Variants in DIAPH3 observed in about 807,000 individuals in gnomAD.
The protein encoded by DIAPH3 is diaphanous related formin 3.
DIAPH3 carries 117 observed loss-of-function variants against 144.3 expected under a neutral mutation model. That is an observed-to-expected ratio of 0.81 (90% confidence interval 0.70 to 0.95). DIAPH3 has a LOEUF of 0.95. Among genes scored for constraint, DIAPH3 ranks in the 40% least tolerant of loss-of-function variants. DIAPH3 has a pLI of 0.00. For missense variants in DIAPH3, 1,421 were observed against 1,412.7 expected (o/e 1.01, Z -0.09); for synonymous variants, 519 against 488.9 (o/e 1.06, Z -0.81).
chr13:60,042,965 C>A, intron 4 of DIAPH3, 145 bp from the exon 5 acceptor site: 1 of 878,134 alleles, frequency 1.1e-6, no homozygotes, highest in Non-Finnish European at 1.8e-6. Context: ...TTCCTTACTT[C>A]TGCCCAAAAA....
chr13:59,899,072 G>A (rs993098701), intron 20 of DIAPH3, among the ~76,000 whole-genome samples: 2 of 152,156 alleles, frequency 1.3e-5, no homozygotes, highest in Admixed American at 6.5e-5. Context: ...AAGTTCTTCA[G>A]CTTTTGGACT....
At chr13:59,959,580 C>A (rs1026973711) in intron 17 of DIAPH3, among the ~76,000 whole-genome samples, 1 of 152,066 alleles carries the variant, frequency 6.6e-6, no homozygotes, top group Non-Finnish European at 1.5e-5. Flanking sequence ...GGAAGCCAGG[C>A]GAGAGAGATC....
chr13:59,818,787 C>T (rs1208718908), intron 24 of DIAPH3, among the ~76,000 whole-genome samples: 1 of 151,876 alleles, frequency 6.6e-6, no homozygotes, highest in Non-Finnish European at 1.5e-5. Flanking sequence ...TGTGCAAATT[C>T]ACCATTTCTT....
chr13:60,109,665 T>G (rs1371055007), intron 3 of DIAPH3, among the ~76,000 whole-genome samples: 1 of 152,202 alleles, frequency 6.6e-6, no homozygotes, highest in Non-Finnish European at 1.5e-5. Flanking sequence ...TACCTGGGAC[T>G]TTTAACCAGG....
intron 4 of DIAPH3, among the ~76,000 whole-genome samples, chr13:60,056,480 T>C (rs2056563901): frequency 6.6e-6 from 1 of 151,836 alleles, no homozygotes; most frequent in African/African-American, 2.4e-5. Flanking sequence ...TATACACCCA[T>C]ATGTACTTGT....
In DIAPH3 at chr13:60,061,374, T is replaced by C. The variant is rs534135302; in HGVS notation, c.496-18554A>G. Reference sequence around the variant, plus strand: ...CAATAGGATGGAACTGCAAAACTGATTGGAAATGAAGTTACAAAAAGCTGT... The same window carrying C: ...CAATAGGATGGAACTGCAAAACTGACTGGAAATGAAGTTACAAAAAGCTGT... On this transcript the variant is annotated intron_variant, in intron 4 of 27. Transcript: ENST00000400324. Among the ~76,000 whole-genome samples, 11 of 151,982 alleles carry C rather than the reference T, an allele frequency of 7.2e-5. No individual in the cohort carries two copies. In the East Asian group the frequency reaches 2.1e-3, roughly 29 times the overall value.
chr13:60,109,033 C>T (rs1478518666), intron 3 of DIAPH3, among the ~76,000 whole-genome samples: 1 of 152,090 alleles, frequency 6.6e-6, no homozygotes, highest in Non-Finnish European at 1.5e-5. Context: ...AGATATTCTC[C>T]ATGAAAGGGC....
chr13:59,794,020 C>A (rs907350183), intron 25 of DIAPH3, among the ~76,000 whole-genome samples: 29 of 152,244 alleles, frequency 1.9e-4, no homozygotes, highest in African/African-American at 6.3e-4. Flanking sequence ...ACTTGACTAC[C>A]CATACAACCA....
intron 5 of DIAPH3, among the ~76,000 whole-genome samples, chr13:60,022,921 T>C (rs532662126): frequency 6.6e-6 from 1 of 152,314 alleles, no homozygotes; most frequent in East Asian, 1.9e-4. Context: ...CTTGTCAATA[T>C]AATGCACTAT....
chr13:60,148,196 A>G (rs1252560921), intron 1 of DIAPH3, among the ~76,000 whole-genome samples: 7 of 152,244 alleles, frequency 4.6e-5, no homozygotes, highest in Non-Finnish European at 8.8e-5. Flanking sequence ...GAGTTGAGAT[A>G]CAGTGAGTTT....
intron 22 of DIAPH3, among the ~76,000 whole-genome samples, chr13:59,846,971 C>G (rs966752662): frequency 6.6e-6 from 1 of 152,018 alleles, no homozygotes; most frequent in African/African-American, 2.4e-5. Flanking sequence ...CCTAGTTACC[C>G]AGGAGGCTGA....
At position 60,029,858 on chromosome 13, in the gene DIAPH3, C is replaced by A. The variant is rs185249098; in HGVS notation, c.626+12832G>T. On this transcript the variant is annotated intron_variant, in intron 5 of 27. Coordinates refer to ENST00000400324, the MANE Select transcript of DIAPH3 (RefSeq NM_001042517.2). ...CTGCTTGAAACTCTTCAACAGACTC[C>A]ACTTCCACAGAATGAAAATCCAATA... Among the ~76,000 whole-genome samples the A allele has an allele frequency of 5.7e-4, 87 of 152,230 alleles. 1 individual carries two copies. The East Asian group carries it at 0.016, about 27-fold the overall frequency.
intron 20 of DIAPH3, among the ~76,000 whole-genome samples, chr13:59,907,567 G>T (rs867686910): frequency 6.6e-6 from 1 of 152,100 alleles, no homozygotes; most frequent in South Asian, 2.1e-4. Flanking sequence ...CATATAACTG[G>T]ATTTCAATCC....
intron 27 of DIAPH3, among the ~76,000 whole-genome samples, chr13:59,762,968 C>G (rs1305783888): frequency 6.6e-6 from 1 of 151,934 alleles, no homozygotes. Context: ...GTAAGAAGGC[C>G]CTCACTAGAT....
At chr13:59,916,357 T>G in intron 18 of DIAPH3, 108 bp from the exon 19 acceptor site, 1 of 855,594 alleles carries the variant, frequency 1.2e-6, no homozygotes, top group Non-Finnish European at 1.9e-6. Flanking sequence ...ACAAGAGAAT[T>G]CAAACATTTA....
At position 59,983,832 on chromosome 13, in the gene DIAPH3, C is replaced by G. The variant is rs1286478457; in HGVS notation, c.1417G>C (p.Asp473His). ...TATGTGAAGTCTGGATCCATTCCAT[C>G]TCTATGCAATACAATCTGGGATACA... is the stretch of plus-strand genomic sequence containing the variant. Reference protein sequence around the residue: ...ECVSQIVLHRDGMDPDFTYRK... With the variant: ...ECVSQIVLHRHGMDPDFTYRK... The change falls in exon 13 of 28, where the codon GAT becomes CAT. Residue 473 changes from aspartate (D) to histidine (H), a missense_variant. Asp to His is a moderately conservative substitution (Grantham distance 81, BLOSUM62 -1). Coordinates refer to ENST00000400324, the MANE Select transcript of DIAPH3 (RefSeq NM_001042517.2). 1 of 1,610,378 alleles carries G rather than the reference C, an allele frequency of 6.2e-7. No homozygotes were observed.
intron 4 of DIAPH3, among the ~76,000 whole-genome samples, chr13:60,087,851 G>C (rs1251599500): frequency 6.6e-6 from 1 of 151,930 alleles, no homozygotes; most frequent in African/African-American, 2.4e-5. Flanking sequence ...TAGAAATGTG[G>C]GATGGGCTAT....
At position 59,711,240 on chromosome 13, in the gene DIAPH3, C is replaced by T. The variant is rs138992477; in HGVS notation, c.3320-44394G>A. Among the ~76,000 whole-genome samples the T allele has an allele frequency of 9.5e-4, 144 of 152,264 alleles. 1 individual carries two copies. Among genetic ancestry groups the T allele is most frequent in the African/African-American group, 3.3e-3 (138 of 41,552 alleles). ...TTTGTTTCCTAACAATGGAGCCCAA[C>T]CACATTTAAAAACTCCTTTGTACTG... is the stretch of plus-strand genomic sequence containing the variant. On this transcript the variant is annotated intron_variant, in intron 27 of 27. Coordinates refer to ENST00000400324, the MANE Select transcript of DIAPH3 (RefSeq NM_001042517.2).
chr13:59,869,613 A>G (rs1474322307), intron 21 of DIAPH3, among the ~76,000 whole-genome samples: 1 of 152,212 alleles, frequency 6.6e-6, no homozygotes, highest in Non-Finnish European at 1.5e-5. Flanking sequence ...TCTTTCCAGT[A>G]CGGAAAGGCC....
Sources: allele counts gnomAD v4.1 joint callset (sites outside exome capture counted in the v4.1 genomes callset), GRCh38; gene constraint gnomAD v4.1.1; transcripts MANE v1.5; gene names NCBI Gene and HGNC (gene_info 2026-07-23, HGNC 2026-07-21).